TRIO: variants seen among roughly 807,000 people sequenced by gnomAD.
TRIO encodes triple functional domain protein.
A neutral mutation model predicts 351.9 loss-of-function variants in TRIO; 58 were observed. The observed-to-expected ratio is 0.16, with a 90% CI of 0.13 to 0.21. The LOEUF is 0.21. TRIO is among the 10% of genes least tolerant of loss of function. The pLI, the probability that TRIO is intolerant of heterozygous loss-of-function variation, is 1.00. For synonymous variants in TRIO, 1,758 were observed against 1,595.7 expected, an observed-to-expected ratio of 1.10 and a Z score of -2.42; for missense variants, 3,201 against 4,027.8, an observed-to-expected ratio of 0.79 and a Z score of 5.56.
intron 36 of TRIO, among the ~76,000 whole-genome samples, chr5:14,464,711 C>T (rs1005990148): frequency 2.0e-5 from 3 of 152,222 alleles, no homozygotes; most frequent in East Asian, 3.8e-4. Flanking sequence ...CTGTGAGACA[C>T]GCATGGCCAG....
At chr5:14,164,348 G>A (rs1255061292) in intron 1 of TRIO, among the ~76,000 whole-genome samples, 1 of 152,206 alleles carries the variant, frequency 6.6e-6, no homozygotes, top group African/African-American at 2.4e-5. Flanking sequence ...ACAAGACAAG[G>A]TTGGCTCAAC....
intron 34 of TRIO, among the ~76,000 whole-genome samples, chr5:14,426,134 C>T (rs1750621201): frequency 6.6e-6 from 1 of 152,158 alleles, no homozygotes; most frequent in Non-Finnish European, 1.5e-5. Flanking sequence ...TACTCTCTTG[C>T]TTAAATTTCT....
chr5:14,156,813 G>T (rs1290626276), intron 1 of TRIO, among the ~76,000 whole-genome samples: 1 of 152,188 alleles, frequency 6.6e-6, no homozygotes, highest in Non-Finnish European at 1.5e-5. Context: ...CAAAACAGAT[G>T]AAGTAATGCT....
intron 1 of TRIO, among the ~76,000 whole-genome samples, chr5:14,232,970 A>G (rs770593307): frequency 3.4e-4 from 51 of 152,172 alleles, no homozygotes; most frequent in Admixed American, 1.2e-3. Flanking sequence ...CCATGGCCAC[A>G]GTGGAACCAG....
At chr5:14,337,513 T>C (rs530445952) in intron 11 of TRIO, among the ~76,000 whole-genome samples, 1 of 152,268 alleles carries the variant, frequency 6.6e-6, no homozygotes, top group East Asian at 1.9e-4. Flanking sequence ...CAGCTCTTGA[T>C]GAACTGGAAA....
chr5:14,193,038 A>T (rs1408109753), intron 1 of TRIO, among the ~76,000 whole-genome samples: 1 of 152,234 alleles, frequency 6.6e-6, no homozygotes, highest in Non-Finnish European at 1.5e-5. Flanking sequence ...CCCTGCTGGG[A>T]AGAAACTCAG....
At chr5:14,151,981 A>G (rs886608931) in intron 1 of TRIO, among the ~76,000 whole-genome samples, 2 of 152,248 alleles carry the variant, frequency 1.3e-5, no homozygotes, top group Non-Finnish European at 2.9e-5. Flanking sequence ...ACCGAGAGCT[A>G]CAATTCCTCT....
intron 1 of TRIO, among the ~76,000 whole-genome samples, chr5:14,258,292 G>A (rs554961598): frequency 2.6e-4 from 40 of 152,270 alleles, no homozygotes; most frequent in African/African-American, 7.9e-4. Flanking sequence ...TCCTCTGCTG[G>A]ATCCCAGCTC....
At chr5:14,363,655 C>G in intron 13 of TRIO, 77 bp from the exon 14 acceptor site, 1 of 1,395,006 alleles carries the variant, frequency 7.2e-7, no homozygotes, top group Non-Finnish European at 9.9e-7. Context: ...GACATCTCTT[C>G]CTTCCTTACT....
Position 14,225,892 on chromosome 5 carries a change from G to A in TRIO, c.158-44933G>A, listed in dbSNP as rs561725160. Among the ~76,000 whole-genome samples the A allele has an allele frequency of 3.4e-5, 5 of 147,296 alleles. No homozygotes were observed. In the East Asian group the frequency reaches 8.2e-4, roughly 24 times the overall value. ...CTATCTAAGAATTCTGCCTGCCACT[G>A]TGTTAGATACTTGCAGGTTGAACTA... On this transcript the variant is annotated intron_variant, in intron 1 of 56. Transcript: ENST00000344204.
chr5:14,244,463 G>C (rs1310371265), intron 1 of TRIO, among the ~76,000 whole-genome samples: 1 of 152,072 alleles, frequency 6.6e-6, no homozygotes, highest in Non-Finnish European at 1.5e-5. Context: ...GTAGTATGTA[G>C]AATACTTAAA....
chr5:14,449,575 C>T (rs1446149723), intron 34 of TRIO, among the ~76,000 whole-genome samples: 1 of 151,986 alleles, frequency 6.6e-6, no homozygotes, highest in Non-Finnish European at 1.5e-5. Flanking sequence ...AAGCCAACAG[C>T]CTAGTGATCA....
intron 1 of TRIO, among the ~76,000 whole-genome samples, chr5:14,212,317 G>A (rs1221771797): frequency 6.6e-6 from 1 of 152,096 alleles, no homozygotes; most frequent in African/African-American, 2.4e-5. Flanking sequence ...CAAGTATGTT[G>A]ATTTGGTGCC....
At chr5:14,287,153 C>A in intron 4 of TRIO, 90 bp downstream of exon 4, 2 of 1,304,696 alleles carry the variant, frequency 1.5e-6, no homozygotes, top group Non-Finnish European at 2.1e-6. Flanking sequence ...TTTTTTTAAA[C>A]CACATATTAA....
chr5:14,235,624 T>C (rs1274875305), intron 1 of TRIO, among the ~76,000 whole-genome samples: 1 of 152,158 alleles, frequency 6.6e-6, no homozygotes, highest in East Asian at 1.9e-4. Context: ...ATTTTGGTTG[T>C]TCTGCTAGGT....
chr5:14,200,002 C>T (rs1428820600), intron 1 of TRIO, among the ~76,000 whole-genome samples: 1 of 152,202 alleles, frequency 6.6e-6, no homozygotes, highest in African/African-American at 2.4e-5. Context: ...GCTGAAGTAG[C>T]GTCAGCTGGT....
chr5:14,152,335 A>G (rs940834991), intron 1 of TRIO, among the ~76,000 whole-genome samples: 2 of 151,788 alleles, frequency 1.3e-5, no homozygotes, highest in African/African-American at 4.8e-5. Context: ...CCCAGATCGC[A>G]TGGGGGCAGG....
At chr5:14,325,425 A>C (rs1259288083) in intron 9 of TRIO, among the ~76,000 whole-genome samples, 2 of 152,186 alleles carry the variant, frequency 1.3e-5, no homozygotes, top group Non-Finnish European at 2.9e-5. Context: ...GCGTGTACAG[A>C]ACACACGGCG....
At chr5:14,149,216 A>T (rs552617432) in intron 1 of TRIO, among the ~76,000 whole-genome samples, 1 of 152,184 alleles carries the variant, frequency 6.6e-6, no homozygotes, top group Non-Finnish European at 1.5e-5. Flanking sequence ...CTCACTGCCA[A>T]GGTGCCCAGC....
Sources: allele counts gnomAD v4.1 joint callset (sites outside exome capture counted in the v4.1 genomes callset), GRCh38; gene constraint gnomAD v4.1.1; transcripts MANE v1.5; gene names NCBI Gene and HGNC (gene_info 2026-07-23, HGNC 2026-07-21).